Variants in GAS7 observed in about 807,000 individuals in gnomAD.
GAS7 encodes growth arrest-specific protein 7.
A neutral mutation model predicts 71.1 loss-of-function variants in GAS7; 28 were observed. The ratio of observed to expected loss-of-function variants is 0.39; its 90% CI spans 0.29 to 0.54. The LOEUF is 0.54. Among genes scored for constraint, GAS7 ranks in the 20% least tolerant of loss-of-function variants. GAS7 has a pLI of 0.62. For missense variants in GAS7, 436 were observed against 627.8 expected (o/e 0.69, Z 3.27); for synonymous variants, 258 against 245.8 (o/e 1.05, Z -0.46).
At chr17:10,148,614 G>GA (rs539823559) in intron 1 of GAS7, among the ~76,000 whole-genome samples, 321 of 70,344 alleles carry the variant, frequency 4.6e-3, no homozygotes, top group Middle Eastern at 0.019. Context: ...AAACACTCAA[G>GA]AAAAAAAAAA....
At chr17:9,989,229 A>G (rs2070754401) in intron 2 of GAS7, among the ~76,000 whole-genome samples, 1 of 151,982 alleles carries the variant, frequency 6.6e-6, no homozygotes, top group South Asian at 2.1e-4. Flanking sequence ...TTCTGGCCAC[A>G]CTCACCGTGT....
chr17:10,143,396 G>C (rs1289791968), intron 1 of GAS7, among the ~76,000 whole-genome samples: 1 of 152,058 alleles, frequency 6.6e-6, no homozygotes, highest in Non-Finnish European at 1.5e-5. Context: ...CAAAAAATTA[G>C]CTGGGTATGT....
intron 2 of GAS7, among the ~76,000 whole-genome samples, chr17:9,987,554 A>T (rs1329491472): frequency 1.3e-5 from 2 of 152,222 alleles, no homozygotes; most frequent in Non-Finnish European, 2.9e-5. Context: ...TGGGAGGCTG[A>T]TGCAATAGGA....
intron 1 of GAS7, among the ~76,000 whole-genome samples, chr17:10,025,223 C>T (rs534865176): frequency 6.6e-6 from 1 of 152,030 alleles, no homozygotes; most frequent in Non-Finnish European, 1.5e-5. Context: ...GGCAATGGAG[C>T]AAGACCCCAT....
At chr17:10,062,360 G>A (rs536125719) in intron 1 of GAS7, among the ~76,000 whole-genome samples, 110 of 152,286 alleles carry the variant, frequency 7.2e-4, no homozygotes, top group African/African-American at 2.5e-3. Flanking sequence ...TGGTGCACAC[G>A]TGTAATCTCG....
intron 5 of GAS7, among the ~76,000 whole-genome samples, chr17:9,952,514 C>G (rs921806100): frequency 6.6e-6 from 1 of 152,120 alleles, no homozygotes; most frequent in Non-Finnish European, 1.5e-5. Context: ...GCTTCAGCCT[C>G]GCGAGTAGCT....
chr17:9,937,553 G>A (rs2068446056), intron 8 of GAS7, among the ~76,000 whole-genome samples: 1 of 152,262 alleles, frequency 6.6e-6, no homozygotes, highest in Non-Finnish European at 1.5e-5. Flanking sequence ...TGGAAGGGAC[G>A]CTGGTCTTGC....
At chr17:10,110,156 A>G in intron 1 of GAS7, among the ~76,000 whole-genome samples, 1 of 152,144 alleles carries the variant, frequency 6.6e-6, no homozygotes, top group East Asian at 1.9e-4. Context: ...CTAAGTGTCC[A>G]TCAATGGACA....
intron 2 of GAS7, among the ~76,000 whole-genome samples, chr17:9,992,411 TGAG>T (rs2070876844): frequency 6.6e-6 from 1 of 151,670 alleles, no homozygotes; most frequent in Non-Finnish European, 1.5e-5. Context: ...TAGGTGAAGA[TGAG>T]GAGAAAGGAG....
intron 1 of GAS7, among the ~76,000 whole-genome samples, chr17:10,195,556 C>T (rs2142159224): frequency 6.6e-6 from 1 of 152,330 alleles, no homozygotes; most frequent in African/African-American, 2.4e-5. Flanking sequence ...TACAGTCCAT[C>T]TGTCTGTACT....
chr17:10,110,032 C>T (rs762949111), intron 1 of GAS7, among the ~76,000 whole-genome samples: 4 of 134,892 alleles, frequency 3.0e-5, no homozygotes, highest in Admixed American at 8.7e-5. Context: ...TCAGCCTGGG[C>T]GACACAGCAA....
intron 1 of GAS7, among the ~76,000 whole-genome samples, chr17:10,171,283 C>T (rs910578660): frequency 1.3e-5 from 2 of 152,188 alleles, no homozygotes; most frequent in Non-Finnish European, 2.9e-5. Flanking sequence ...CTGCCAGACC[C>T]AGTCAGAGCC....
intron 5 of GAS7, among the ~76,000 whole-genome samples, chr17:9,948,245 T>C (rs1212673896): frequency 6.6e-6 from 1 of 152,242 alleles, no homozygotes; most frequent in Non-Finnish European, 1.5e-5. Context: ...ACACATCTGG[T>C]TATTTGCATA....
Position 9,955,831 on chromosome 17 carries a change from G to A in GAS7, c.525+3371C>T, listed in dbSNP as rs761132960. On this transcript the variant is annotated intron_variant, in intron 5 of 13. Coordinates refer to ENST00000432992, the MANE Select transcript of GAS7 (RefSeq NM_201433.2). ...CGAGACCAGTGTCCTCAACAAAGCC[G>A]CGTCTTCGCTCTTGCACCAACTCTG... is the stretch of plus-strand genomic sequence containing the variant. Among the ~76,000 whole-genome samples, 34 of 152,108 alleles carry A rather than the reference G, an allele frequency of 2.2e-4. 1 individual carries two copies. The highest frequency in any genetic ancestry group is 3.5e-4 in the Non-Finnish European group (24 of 67,982).
In GAS7 at chr17:10,123,956, G is replaced by C. The variant is rs989963433; in HGVS notation, c.183+74252C>G. Among the ~76,000 whole-genome samples, 3 of 152,248 alleles carry C rather than the reference G, an allele frequency of 2.0e-5. No homozygotes were observed. In the East Asian group the frequency reaches 5.8e-4, roughly 29 times the overall value. On this transcript the variant is annotated intron_variant, in intron 1 of 13. Transcript: ENST00000432992. Reference sequence around the variant, plus strand: ...GCACAAGAGGCCAGTGGGGCAGGCAGCCAGGGCCCACTCATGCCAGTACCA... The same window carrying C: ...GCACAAGAGGCCAGTGGGGCAGGCACCCAGGGCCCACTCATGCCAGTACCA...
At chr17:10,023,781 A>G (rs2072361602) in intron 1 of GAS7, among the ~76,000 whole-genome samples, 1 of 152,226 alleles carries the variant, frequency 6.6e-6, no homozygotes, top group African/African-American at 2.4e-5. Flanking sequence ...ATACATAAAT[A>G]TATCACTGAT....
At chr17:10,126,712 T>C (rs2073954104) in intron 1 of GAS7, among the ~76,000 whole-genome samples, 2 of 152,210 alleles carry the variant, frequency 1.3e-5, no homozygotes, top group African/African-American at 2.4e-5. Context: ...CACTCACTTG[T>C]TAAACAACAG....
intron 7 of GAS7, among the ~76,000 whole-genome samples, chr17:9,942,480 C>T (rs185843476): frequency 6.1e-4 from 92 of 151,252 alleles, no homozygotes; most frequent in African/African-American, 2.1e-3. Flanking sequence ...TCGATTTCTC[C>T]ATTTCCATTG....
At chr17:10,020,848 G>A (rs1161706238) in intron 1 of GAS7, among the ~76,000 whole-genome samples, 1 of 152,186 alleles carries the variant, frequency 6.6e-6, no homozygotes, top group Non-Finnish European at 1.5e-5. Context: ...AGGAGGCGGA[G>A]GTTGCAGTGA....
Sources: allele counts gnomAD v4.1 joint callset (sites outside exome capture counted in the v4.1 genomes callset), GRCh38; gene constraint gnomAD v4.1.1; transcripts MANE v1.5; gene names NCBI Gene and HGNC (gene_info 2026-07-23, HGNC 2026-07-21).